SEPTIN3: variants seen among roughly 807,000 people sequenced by gnomAD.
SEPTIN3 encodes septin 3, also known as neuronal-specific septin-3.
SEPTIN3 carries 15 observed loss-of-function variants against 45.1 expected under a neutral mutation model. The observed-to-expected ratio is 0.33, with a 90% CI of 0.22 to 0.51. The LOEUF (loss-of-function observed/expected upper bound fraction) is 0.51. Ranked by LOEUF, SEPTIN3 falls within the 20% of genes least tolerant of loss-of-function variation. The probability of loss-of-function intolerance (pLI) is 0.97; values close to 1 mark genes in which losing one functional copy is unlikely to be tolerated. For synonymous variants in SEPTIN3, 148 were observed against 164.8 expected, an observed-to-expected ratio of 0.90 and a Z score of 0.78; for missense variants, 289 against 457.2, an observed-to-expected ratio of 0.63 and a Z score of 3.35.
chr22:41,981,373 T>C, intron 2 of SEPTIN3: 1 of 419,702 alleles, frequency 2.4e-6, no homozygotes, highest in South Asian at 5.6e-5. Flanking sequence ...TTCAGAGCAG[T>C]GAGGTGCATT....
At chr22:41,990,681 G>A (rs576934653) in intron 7 of SEPTIN3, among the ~76,000 whole-genome samples, 1 of 145,134 alleles carries the variant, frequency 6.9e-6, no homozygotes, top group East Asian at 2.0e-4. Context: ...GAGAGGCGGC[G>A]CTTGCAGTGA....
intron 7 of SEPTIN3, among the ~76,000 whole-genome samples, chr22:41,990,789 G>C (rs2078301264): frequency 1.4e-5 from 2 of 148,088 alleles, no homozygotes; most frequent in African/African-American, 2.5e-5. Context: ...ATTGGCTGGG[G>C]GCGGTGGCTC....
chr22:41,971,927 G>C lies in SEPTIN3; in HGVS notation c.435G>C (p.Gly145=). ...AGAAGGCTGCTCCCCATGAAGGAGG[G>C]AGGGTGTCCTCGCCAGGCTCGCCAC... The part of the protein sequence containing the change: ...PGKKAAPHEG[G]RVSSPGSPPV... Residue 145 remains glycine (G), a synonymous_variant, in exon 2 of 12, where the codon GGG becomes GGC. Transcript: ENST00000644076. The C allele has an allele frequency of 2.5e-6, 1 of 399,180 alleles. No individual in the cohort carries two copies. Among genetic ancestry groups the C allele is most frequent in the Non-Finnish European group, 4.4e-6 (1 of 226,184 alleles). The allele number at this position is 399,180 out of a possible 1,614,324, so 24.7% of individuals were successfully genotyped here. A position where few individuals can be genotyped will look rare whatever the true frequency, so the allele number is the denominator to read the frequency against.
intron 4 of SEPTIN3, among the ~76,000 whole-genome samples, chr22:41,986,510 G>T (rs2078210533): frequency 6.6e-6 from 1 of 151,784 alleles, no homozygotes; most frequent in Non-Finnish European, 1.5e-5. Flanking sequence ...TTTGTTGTTT[G>T]TTTTTTTGAG....
Position 41,997,269 on chromosome 22 carries a change from C to T in SEPTIN3, c.*302C>T. 1 of 401,020 alleles carries T rather than the reference C, an allele frequency of 2.5e-6. No homozygotes were observed. Among genetic ancestry groups the T allele is most frequent in the South Asian group, 3.7e-5 (1 of 26,796 alleles). The allele number at this position is 401,020 out of a possible 1,614,324, so 24.8% of individuals were successfully genotyped here. On this transcript the variant is annotated 3_prime_UTR_variant, in exon 12 of 12. Coordinates refer to ENST00000644076, the MANE Select transcript of SEPTIN3 (RefSeq NM_001363845.2). Reference sequence around the variant, plus strand: ...AAGAGCTCCTTCTGCCCTTGTAAGCCCATCCCAGCTACTTGTAACCATCTC... The same window carrying T: ...AAGAGCTCCTTCTGCCCTTGTAAGCTCATCCCAGCTACTTGTAACCATCTC...
At position 41,997,291 on chromosome 22, in the gene SEPTIN3, T is replaced by A. The variant is rs1313828509; in HGVS notation, c.*324T>A. Reference sequence around the variant, plus strand: ...AGCCCATCCCAGCTACTTGTAACCATCTCTAAGGGCAATGGCATTGCTCCC... The same window carrying A: ...AGCCCATCCCAGCTACTTGTAACCAACTCTAAGGGCAATGGCATTGCTCCC... On this transcript the variant is annotated 3_prime_UTR_variant, in exon 12 of 12. Coordinates refer to ENST00000644076, the MANE Select transcript of SEPTIN3 (RefSeq NM_001363845.2). 2.9e-6 allele frequency: 1 copy of A among 339,072 alleles called. No homozygotes were observed. Among genetic ancestry groups the A allele is most frequent in the Non-Finnish European group, 5.4e-6 (1 of 183,802 alleles). 21.0% of individuals were successfully genotyped at this position (339,072 alleles called of 1,614,324 possible). A position where few individuals can be genotyped will look rare whatever the true frequency, so the allele number is the denominator to read the frequency against.
rs943731887 is a variant in SEPTIN3 at position 41,972,252 on chromosome 22, G to A, written c.760G>A (p.Val254Met). 4 of 399,130 alleles carry A rather than the reference G, an allele frequency of 1.0e-5. No homozygotes were observed. Among genetic ancestry groups the A allele is most frequent in the Non-Finnish European group, 1.3e-5 (3 of 226,112 alleles). The allele number at this position is 399,130 out of a possible 1,614,324, so 24.7% of individuals were successfully genotyped here. The change falls in exon 2 of 12, where the codon GTG (valine) becomes ATG (methionine). Residue 254 changes from valine (V) to methionine (M), a missense_variant. Physicochemically the swap from Val to Met is conservative, Grantham distance 21. This residue lies in a region of SEPTIN3 where 200 missense variants were observed against 315.1 expected (regional missense o/e 0.63). Coordinates refer to ENST00000644076, the MANE Select transcript of SEPTIN3 (RefSeq NM_001363845.2). ...GCGTCTCCAAAGGGCCAACACGACT[G>A]TGAATTTGACTGCTATGGACACAAG... ...RGRLQRANTT[V>M]NLTAMDTRTD...
At chr22:41,992,332 T>C (rs1301405387) in intron 8 of SEPTIN3, among the ~76,000 whole-genome samples, 1 of 152,044 alleles carries the variant, frequency 6.6e-6, no homozygotes, top group African/African-American at 2.4e-5. Context: ...TGAGTTGAAA[T>C]TGTGCCATTG....
At position 41,976,109 on chromosome 22, in the gene SEPTIN3, C is replaced by A. The variant is rs1388717476; in HGVS notation, c.1504+3113C>A. Among the ~76,000 whole-genome samples the A allele has an allele frequency of 6.6e-6, 1 of 152,166 alleles. No homozygotes were observed. The highest frequency in any genetic ancestry group is 2.1e-4 in the South Asian group (1 of 4,826). ...CTCTTTGCAGAATACCTCTCCCTTT[C>A]CATTCTTCCCTTCCACTCCCATTTG... On this transcript the variant is annotated intron_variant, in intron 2 of 11. Coordinates refer to ENST00000644076, the MANE Select transcript of SEPTIN3 (RefSeq NM_001363845.2). This position sits in a 1 kb window ranked among gnomAD's most constrained non-coding sequence, Gnocchi z 5.8.
chr22:41,975,953 C>T (rs540944746), intron 2 of SEPTIN3, among the ~76,000 whole-genome samples: 1 of 152,062 alleles, frequency 6.6e-6, no homozygotes, highest in Non-Finnish European at 1.5e-5. Flanking sequence ...TGCGTGCGGA[C>T]TTCTCCAGCC....
chr22:41,994,785 C>T lies in SEPTIN3; in HGVS notation c.2505+71C>T, dbSNP rs760388543. The T allele has an allele frequency of 6.2e-7, 1 of 1,613,146 alleles. No homozygotes were observed. The highest frequency in any genetic ancestry group is 1.3e-5 in the African/African-American group (1 of 74,902). ...CCACTTCTCTGTGTCATCACACATA[C>T]CCACTTCACACACACACATCCCAAA... On this transcript the variant is annotated intron_variant, in intron 11 of 11. Transcript: ENST00000644076. The surrounding 1 kb of genome is among the most constrained non-coding windows in gnomAD (Gnocchi z 4.2).
intron 5 of SEPTIN3, among the ~76,000 whole-genome samples, 163 bp downstream of exon 5, chr22:41,987,450 C>T (rs1353540920): frequency 6.6e-6 from 1 of 152,190 alleles, no homozygotes; most frequent in Non-Finnish European, 1.5e-5. Flanking sequence ...TGCTAACTAA[C>T]CATCCAGGAA....
chr22:41,998,089 C>G lies in SEPTIN3; in HGVS notation c.*1122C>G, dbSNP rs576934741. The G allele has an allele frequency of 2.6e-5, 4 of 152,782 alleles. No homozygotes were observed. The highest frequency in any genetic ancestry group is 9.6e-5 in the African/African-American group (4 of 41,562). 9.5% of individuals were successfully genotyped at this position (152,782 alleles called of 1,614,324 possible). The stretch of plus-strand genomic sequence containing the variant: ...AACCCGTTTCTTAAATGTTACCAGT[C>G]CCAGCCAATCTTACGGTGACATTAC... On this transcript the variant is annotated 3_prime_UTR_variant, in exon 12 of 12. Transcript: ENST00000644076.
chr22:41,983,565 A>G (rs2078155881), intron 3 of SEPTIN3, among the ~76,000 whole-genome samples: 1 of 152,112 alleles, frequency 6.6e-6, no homozygotes, highest in Admixed American at 6.5e-5. Flanking sequence ...ATCTCTGACC[A>G]CTTCCCATCT....
intron 1 of SEPTIN3, among the ~76,000 whole-genome samples, 162 bp from the exon 2 acceptor site, chr22:41,971,312 G>A (rs1164020297): frequency 6.6e-6 from 1 of 152,134 alleles, no homozygotes; most frequent in East Asian, 1.9e-4. Context: ...AGGAGGACAG[G>A]AGGAAGTTAC....
intron 9 of SEPTIN3, among the ~76,000 whole-genome samples, chr22:41,993,655 G>C (rs1762375145): frequency 6.6e-6 from 1 of 151,780 alleles, no homozygotes; most frequent in South Asian, 2.1e-4. Context: ...CATGCCTGGT[G>C]ATTTTATTTT....
At position 41,994,487 on chromosome 22, in the gene SEPTIN3, G is replaced by C; in HGVS notation, c.2412-134G>C. On this transcript the variant is annotated intron_variant, in intron 10 of 11. Transcript: ENST00000644076. The surrounding 1 kb of genome is among the most constrained non-coding windows in gnomAD (Gnocchi z 4.2). Reference sequence around the variant, plus strand: ...TCCAGCTCCTGTTGCAAAATGGAAGGTGCTGTAGAAGAATCCTTAGCTCCT... The same window carrying C: ...TCCAGCTCCTGTTGCAAAATGGAAGCTGCTGTAGAAGAATCCTTAGCTCCT... The C allele has an allele frequency of 6.6e-7, 1 of 1,525,496 alleles. No homozygotes were observed. The highest frequency in any genetic ancestry group is 9.0e-7 in the Non-Finnish European group (1 of 1,114,924). The allele number at this position is 1,525,496 out of a possible 1,614,324, so 94.5% of individuals were successfully genotyped here. A position where few individuals can be genotyped will look rare whatever the true frequency, so the allele number is the denominator to read the frequency against.
chr22:41,978,910 G>GAGGAGGAGA (rs2078075154), intron 2 of SEPTIN3, among the ~76,000 whole-genome samples: 1 of 150,662 alleles, frequency 6.6e-6, no homozygotes. Flanking sequence ...GGAGGAGGAG[G>GAGGAGGAGA]AGGAGGAGGA....
Position 41,998,019 on chromosome 22 carries a change from A to C in SEPTIN3, c.*1052A>C, listed in dbSNP as rs1468250373. 1 of 152,690 alleles carries C rather than the reference A, an allele frequency of 6.5e-6. No individual in the cohort carries two copies. Among genetic ancestry groups the C allele is most frequent in the Non-Finnish European group, 1.5e-5 (1 of 68,048 alleles). 9.5% of individuals were successfully genotyped at this position (152,690 alleles called of 1,614,324 possible). The stretch of plus-strand genomic sequence containing the variant: ...ACTTGTGGGCCATTCATCTACAACC[A>C]AGTCCTGATGGAGCAAGAGGCCCAC... On this transcript the variant is annotated 3_prime_UTR_variant, in exon 12 of 12. Coordinates refer to ENST00000644076, the MANE Select transcript of SEPTIN3 (RefSeq NM_001363845.2).
Sources: gnomAD v4.1 joint callset for allele counts (sites outside exome capture counted in the v4.1 genomes callset) on GRCh38, gnomAD v4.1.1 for gene constraint, gnomAD v4.1.1 regional missense constraint, Gnocchi (gnomAD v3.1) non-coding constraint, MANE v1.5 for transcripts, NCBI Gene and HGNC (gene_info 2026-07-23, HGNC 2026-07-21) for gene names.